Variants in WDR70 observed in about 807,000 individuals in gnomAD.
The protein encoded by WDR70 is WD repeat-containing protein 70.
Under a neutral mutation model 88.6 loss-of-function variants are expected in WDR70, and 53 were observed. The ratio of observed to expected loss-of-function variants is 0.60; its 90% confidence interval spans 0.48 to 0.75. The LOEUF (loss-of-function observed/expected upper bound fraction) is 0.75, where lower values mean the gene tolerates loss of function less well. WDR70 is among the 30% of genes least tolerant of loss of function. The probability of loss-of-function intolerance (pLI) is 0.00; values close to 1 mark genes in which losing one functional copy is unlikely to be tolerated. For missense variants in WDR70, 610 were observed against 823.2 expected, an observed-to-expected ratio of 0.74 and a Z score of 3.17; for synonymous variants, 280 against 270.0, an observed-to-expected ratio of 1.04 and a Z score of -0.36.
intron 10 of WDR70, among the ~76,000 whole-genome samples, chr5:37,627,232 G>T (rs536583649): frequency 6.6e-6 from 1 of 152,148 alleles, no homozygotes; most frequent in African/African-American, 2.4e-5. Flanking sequence ...GGGACTACAG[G>T]TATGTGCCAC....
intron 8 of WDR70, among the ~76,000 whole-genome samples, chr5:37,503,806 G>C (rs1178990605): frequency 1.2e-4 from 18 of 152,026 alleles, no homozygotes; most frequent in East Asian, 9.7e-4. Flanking sequence ...CTCACTGCTT[G>C]CTATTGGTTT....
intron 9 of WDR70, among the ~76,000 whole-genome samples, chr5:37,530,710 C>A (rs943149073): frequency 6.9e-6 from 1 of 145,538 alleles, no homozygotes; most frequent in Non-Finnish European, 1.5e-5. Context: ...GTTAATCTTG[C>A]TAATGGTCTG....
chr5:37,470,981 G>A (rs975430938), intron 7 of WDR70, among the ~76,000 whole-genome samples: 2 of 151,834 alleles, frequency 1.3e-5, no homozygotes, highest in Admixed American at 1.3e-4. Context: ...TCTGTCTCCT[G>A]GGTTCAATTC....
chr5:37,609,378 C>T (rs1370036885), intron 10 of WDR70, among the ~76,000 whole-genome samples: 1 of 152,154 alleles, frequency 6.6e-6, no homozygotes, highest in Non-Finnish European at 1.5e-5. Flanking sequence ...CAGATTTATT[C>T]TTTGACTTTG....
Position 37,594,689 on chromosome 5 carries a change from G to A in WDR70, c.918-10375G>A, listed in dbSNP as rs556331840. Among the ~76,000 whole-genome samples, 9 of 152,338 alleles carry A rather than the reference G, an allele frequency of 5.9e-5. No individual in the cohort carries two copies. In the South Asian group the frequency reaches 1.4e-3, roughly 25 times the overall value. Reference sequence around the variant, plus strand: ...AATTCTGTGAAGAAAGTCATTGGTAGCTTGATGGGGATGGCATTGAATCTA... The same window carrying A: ...AATTCTGTGAAGAAAGTCATTGGTAACTTGATGGGGATGGCATTGAATCTA... On this transcript the variant is annotated intron_variant, in intron 9 of 17. Coordinates refer to ENST00000265107, the MANE Select transcript of WDR70 (RefSeq NM_018034.4).
intron 10 of WDR70, among the ~76,000 whole-genome samples, chr5:37,621,111 C>T (rs1744493882): frequency 2.0e-5 from 3 of 152,036 alleles, no homozygotes; most frequent in African/African-American, 7.2e-5. Flanking sequence ...GTTTGCAAGG[C>T]TCTACCCATC....
At chr5:37,533,615 C>T (rs1398942042) in intron 9 of WDR70, among the ~76,000 whole-genome samples, 1 of 152,192 alleles carries the variant, frequency 6.6e-6, no homozygotes, top group East Asian at 1.9e-4. Context: ...TAGAGAAAAA[C>T]CACCAGCTTG....
intron 5 of WDR70, among the ~76,000 whole-genome samples, chr5:37,435,529 A>G (rs1027837868): frequency 1.3e-5 from 2 of 152,210 alleles, no homozygotes; most frequent in African/African-American, 4.8e-5. Flanking sequence ...TCCACAGTAT[A>G]GTAAACAAAA....
At chr5:37,743,896 C>T (rs1015669816) in intron 17 of WDR70, among the ~76,000 whole-genome samples, 22 of 152,284 alleles carry the variant, frequency 1.4e-4, no homozygotes, top group African/African-American at 4.8e-4. Flanking sequence ...CCCAGCAAAA[C>T]ACACCCTCTC....
chr5:37,516,765 A>G (rs1740902615), intron 9 of WDR70, among the ~76,000 whole-genome samples, 175 bp downstream of exon 9: 1 of 147,406 alleles, frequency 6.8e-6, no homozygotes, highest in Admixed American at 6.9e-5. Context: ...TCTGTTGCCC[A>G]GGCTGGAGTG....
chr5:37,394,600 C>T (rs1166800603), intron 4 of WDR70, among the ~76,000 whole-genome samples: 3 of 152,078 alleles, frequency 2.0e-5, no homozygotes, highest in African/African-American at 7.2e-5. Context: ...AACAAAGGTA[C>T]TTAAGGTAAT....
At chr5:37,424,406 C>CT (rs1257517076) in intron 5 of WDR70, among the ~76,000 whole-genome samples, 42 of 109,000 alleles carry the variant, frequency 3.9e-4, no homozygotes, top group East Asian at 1.0e-3. Context: ...AATTTTTTTC[C>CT]ATTTTTTTTT....
intron 4 of WDR70, among the ~76,000 whole-genome samples, chr5:37,394,149 A>G (rs1451336069): frequency 6.6e-6 from 1 of 152,078 alleles, no homozygotes; most frequent in Admixed American, 6.6e-5. Flanking sequence ...TACTAAAAAT[A>G]CAAAAATTAG....
At chr5:37,697,142 G>A (rs183773985) in intron 10 of WDR70, among the ~76,000 whole-genome samples, 84 of 152,280 alleles carry the variant, frequency 5.5e-4, no homozygotes, top group African/African-American at 1.8e-3. Flanking sequence ...TATGATAAGC[G>A]TTGTGTAAGG....
intron 10 of WDR70, among the ~76,000 whole-genome samples, chr5:37,689,656 T>C (rs2112633734): frequency 6.6e-6 from 1 of 152,164 alleles, no homozygotes; most frequent in South Asian, 2.1e-4. Flanking sequence ...CAGAAAGGAA[T>C]AGCATCAACA....
At chr5:37,432,023 A>C (rs1750319551) in intron 5 of WDR70, among the ~76,000 whole-genome samples, 1 of 152,226 alleles carries the variant, frequency 6.6e-6, no homozygotes, top group South Asian at 2.1e-4. Flanking sequence ...GTGGATGTAC[A>C]AATAGCTCTT....
intron 17 of WDR70, among the ~76,000 whole-genome samples, chr5:37,741,732 G>A (rs1363470308): frequency 6.6e-6 from 1 of 152,168 alleles, no homozygotes; most frequent in East Asian, 1.9e-4. Context: ...CAGTCTGGGG[G>A]TTGGGGACCG....
At chr5:37,399,295 A>T (rs1386077145) in intron 5 of WDR70, among the ~76,000 whole-genome samples, 2 of 152,044 alleles carry the variant, frequency 1.3e-5, no homozygotes, top group South Asian at 4.1e-4. Flanking sequence ...CACAAAAAAA[A>T]TTAGCCAGGC....
chr5:37,537,258 C>T (rs964821611), intron 9 of WDR70, among the ~76,000 whole-genome samples: 5 of 152,074 alleles, frequency 3.3e-5, no homozygotes, highest in African/African-American at 4.8e-5. Flanking sequence ...AGAAAGTGTA[C>T]TCATATTGCA....
Sources: allele counts gnomAD v4.1 joint callset (sites outside exome capture counted in the v4.1 genomes callset), GRCh38; gene constraint gnomAD v4.1.1; transcripts MANE v1.5; gene names NCBI Gene and HGNC (gene_info 2026-07-23, HGNC 2026-07-21).